CCSER1: variants seen among roughly 807,000 people sequenced by gnomAD.
CCSER1 encodes the protein serine-rich coiled-coil domain-containing protein 1.
A neutral mutation model predicts 82.0 loss-of-function variants in CCSER1; 41 were observed. That is an observed-to-expected ratio of 0.50 (90% CI 0.39 to 0.65). The LOEUF (loss-of-function observed/expected upper bound fraction) is 0.65. CCSER1 is among the 30% of genes least tolerant of loss of function. CCSER1 has a pLI of 0.00. For missense variants in CCSER1, 1,119 were observed against 1,064.2 expected (o/e 1.05, Z -0.72); for synonymous variants, 414 against 383.9 (o/e 1.08, Z -0.92).
intron 8 of CCSER1, among the ~76,000 whole-genome samples, chr4:90,886,819 C>A (rs1351091475): frequency 6.6e-6 from 1 of 152,132 alleles, no homozygotes; most frequent in Non-Finnish European, 1.5e-5. Context: ...TCTGTGTCTA[C>A]TGAATTGAAA....
intron 3 of CCSER1, among the ~76,000 whole-genome samples, chr4:90,331,295 G>A (rs1018470041): frequency 2.6e-4 from 40 of 151,962 alleles, no homozygotes; most frequent in Admixed American, 9.2e-4. Flanking sequence ...TTAAAAAGAT[G>A]ATTTTATTAG....
intron 9 of CCSER1, among the ~76,000 whole-genome samples, chr4:90,930,479 G>C (rs1227098561): frequency 6.6e-6 from 1 of 151,930 alleles, no homozygotes; most frequent in African/African-American, 2.4e-5. Flanking sequence ...GGTGGTGCAC[G>C]CCTGTAGTCC....
intron 1 of CCSER1, among the ~76,000 whole-genome samples, chr4:90,276,266 C>T (rs1318028390): frequency 8.4e-5 from 10 of 119,598 alleles, no homozygotes; most frequent in African/African-American, 3.1e-4. Context: ...TTCCTTCCTT[C>T]CTTCCTTCCT....
intron 10 of CCSER1, among the ~76,000 whole-genome samples, chr4:91,403,437 T>C (rs572967092): frequency 2.3e-4 from 35 of 152,260 alleles, no homozygotes; most frequent in African/African-American, 7.7e-4. Flanking sequence ...TTATGTTCAA[T>C]AGGAGTAGTG....
Position 90,271,890 on chromosome 4 carries a change from T to TTTTTTTTTTTA in CCSER1, c.-41-36354_-41-36353insTTTTTTTTTTA, listed in dbSNP as rs1553982851. Among the ~76,000 whole-genome samples, 31 of 70,110 alleles carry TTTTTTTTTTTA rather than the reference T, an allele frequency of 4.4e-4. 3 individuals carry two copies. Among genetic ancestry groups the TTTTTTTTTTTA allele is most frequent in the South Asian group, 1.4e-3 (2 of 1,442 alleles). The allele number at this position is 70,110 out of a possible 152,430, so 46.0% of individuals were successfully genotyped here. On this transcript the variant is annotated intron_variant, in intron 1 of 10. Coordinates refer to ENST00000509176, the MANE Select transcript of CCSER1 (RefSeq NM_001145065.2). ...TTTTTTTTTTTTTTTTTTTTTTTTT[T>TTTTTTTTTTTA]AAAAGGAGGTTTAATTGACTCACAG...
At chr4:90,659,853 A>G (rs1730430224) in intron 6 of CCSER1, among the ~76,000 whole-genome samples, 1 of 152,046 alleles carries the variant, frequency 6.6e-6, no homozygotes, top group Non-Finnish European at 1.5e-5. Flanking sequence ...TTGTGGCTTT[A>G]ATTTACATTT....
intron 10 of CCSER1, among the ~76,000 whole-genome samples, chr4:91,543,123 C>A (rs1344320113): frequency 6.6e-6 from 1 of 152,082 alleles, no homozygotes; most frequent in Non-Finnish European, 1.5e-5. Context: ...AGGATTGCAA[C>A]CCCTGCCTTT....
chr4:91,387,207 A>G (rs1751352104), intron 10 of CCSER1, among the ~76,000 whole-genome samples: 2 of 152,034 alleles, frequency 1.3e-5, no homozygotes. Flanking sequence ...AAAAATATAT[A>G]CATAGACATA....
chr4:90,752,661 C>A (rs1321251165), intron 7 of CCSER1, among the ~76,000 whole-genome samples: 1 of 152,064 alleles, frequency 6.6e-6, no homozygotes, highest in African/African-American at 2.4e-5. Flanking sequence ...CTTCATCTCA[C>A]ATCTTCCCCC....
At chr4:91,044,740 T>C (rs1742293180) in intron 9 of CCSER1, among the ~76,000 whole-genome samples, 1 of 152,180 alleles carries the variant, frequency 6.6e-6, no homozygotes, top group African/African-American at 2.4e-5. Context: ...AAACCTGCCC[T>C]ACTTTACCTC....
At chr4:91,060,975 T>A (rs1457127086) in intron 9 of CCSER1, among the ~76,000 whole-genome samples, 1 of 152,106 alleles carries the variant, frequency 6.6e-6, no homozygotes, top group African/African-American at 2.4e-5. Flanking sequence ...TGGTAATTTT[T>A]AATTTCTGAA....
intron 9 of CCSER1, among the ~76,000 whole-genome samples, chr4:90,928,895 G>C (rs952941667): frequency 6.6e-6 from 1 of 152,078 alleles, no homozygotes; most frequent in African/African-American, 2.4e-5. Context: ...TTCAGGCTCA[G>C]TACATCAAGA....
chr4:90,192,461 A>G (rs1735830815), intron 1 of CCSER1, among the ~76,000 whole-genome samples: 1 of 152,136 alleles, frequency 6.6e-6, no homozygotes, highest in East Asian at 1.9e-4. Flanking sequence ...ATGAGAAGCA[A>G]TATTTCACTA....
chr4:90,777,109 A>T (rs2149590753), intron 7 of CCSER1, among the ~76,000 whole-genome samples: 1 of 152,172 alleles, frequency 6.6e-6, no homozygotes, highest in Non-Finnish European at 1.5e-5. Context: ...TAATCCCAGC[A>T]CTTTGGGAGG....
chr4:90,956,719 G>T (rs540862125), intron 9 of CCSER1, among the ~76,000 whole-genome samples: 73 of 151,414 alleles, frequency 4.8e-4, no homozygotes, highest in African/African-American at 1.8e-3. Context: ...TTCCCAGGAA[G>T]TATGAAGGCA....
intron 6 of CCSER1, among the ~76,000 whole-genome samples, chr4:90,663,665 T>C (rs1020495376): frequency 5.3e-5 from 8 of 152,144 alleles, no homozygotes; most frequent in Admixed American, 5.2e-4. Flanking sequence ...TTATTATTCT[T>C]CACAATTTTT....
intron 1 of CCSER1, among the ~76,000 whole-genome samples, chr4:90,250,631 GA>G (rs1722219653): frequency 6.6e-6 from 1 of 152,034 alleles, no homozygotes; most frequent in African/African-American, 2.4e-5. Context: ...AGTAAGTTTT[GA>G]AATTGGAAAC....
intron 10 of CCSER1, among the ~76,000 whole-genome samples, chr4:91,512,804 A>C (rs918950303): frequency 6.6e-6 from 1 of 152,102 alleles, no homozygotes; most frequent in Non-Finnish European, 1.5e-5. Flanking sequence ...ATTTTTGTAC[A>C]TTGATTTTAT....
intron 10 of CCSER1, among the ~76,000 whole-genome samples, chr4:91,559,723 A>G (rs1015351131): frequency 1.3e-5 from 2 of 151,578 alleles, no homozygotes; most frequent in African/African-American, 4.8e-5. Flanking sequence ...ACAAAGAGGT[A>G]TATTATTCTC....
Sources: gnomAD v4.1 joint callset for allele counts (sites outside exome capture counted in the v4.1 genomes callset) on GRCh38, gnomAD v4.1.1 for gene constraint, MANE v1.5 for transcripts, NCBI Gene and HGNC (gene_info 2026-07-23, HGNC 2026-07-21) for gene names.